THSD4: variants seen among roughly 807,000 people sequenced by gnomAD.
THSD4 encodes thrombospondin type 1 domain containing 4.
In THSD4, 69 loss-of-function variants were observed where a neutral mutation model predicts 119.0. The ratio of observed to expected loss-of-function variants is 0.58; its 90% CI spans 0.48 to 0.71. The LOEUF is 0.71. THSD4 is among the 30% of genes least tolerant of loss of function. THSD4 has a pLI of 0.00. For synonymous variants in THSD4, 524 were observed against 540.4 expected, an observed-to-expected ratio of 0.97 and a Z score of 0.42; for missense variants, 1,393 against 1,391.1, an observed-to-expected ratio of 1.00 and a Z score of -0.02.
At chr15:71,644,829 C>A (rs1009158286) in intron 7 of THSD4, among the ~76,000 whole-genome samples, 1 of 152,122 alleles carries the variant, frequency 6.6e-6, no homozygotes, top group African/African-American at 2.4e-5. Context: ...GTAGACACTT[C>A]CAACAACTTC....
intron 7 of THSD4, among the ~76,000 whole-genome samples, chr15:71,441,140 A>T (rs554784220): frequency 1.4e-4 from 21 of 152,320 alleles, no homozygotes; most frequent in African/African-American, 4.8e-4. Flanking sequence ...ATGTATAATG[A>T]TCTGGGTTCA....
chr15:71,155,944 T>C (rs28719816), intron 3 of THSD4, among the ~76,000 whole-genome samples: 9,918 of 152,182 alleles, frequency 0.065, 551 homozygotes, highest in African/African-American at 0.16. Flanking sequence ...TCCCGGGCCA[T>C]AGGACTGGGT....
intron 8 of THSD4, among the ~76,000 whole-genome samples, chr15:71,716,313 G>T (rs1286308017): frequency 6.6e-6 from 1 of 152,152 alleles, no homozygotes; most frequent in Non-Finnish European, 1.5e-5. Flanking sequence ...CATCTTCAAA[G>T]ATCCTATTTC....
intron 7 of THSD4, among the ~76,000 whole-genome samples, chr15:71,550,614 G>C (rs1000188157): frequency 1.3e-5 from 2 of 152,068 alleles, no homozygotes; most frequent in Admixed American, 6.6e-5. Flanking sequence ...TTTTGTTTTT[G>C]TATTTTCAGT....
At chr15:71,365,012 A>G (rs916302704) in intron 6 of THSD4, among the ~76,000 whole-genome samples, 15 of 152,200 alleles carry the variant, frequency 9.9e-5, no homozygotes, top group African/African-American at 3.6e-4. Flanking sequence ...TTGTTTTGGC[A>G]CCTAAAACTG....
chr15:71,353,159 A>G (rs1025157120), intron 6 of THSD4, among the ~76,000 whole-genome samples: 41 of 152,186 alleles, frequency 2.7e-4, no homozygotes, highest in Non-Finnish European at 5.7e-4. Context: ...ATCAACAGAC[A>G]TTGACACATG....
intron 7 of THSD4, among the ~76,000 whole-genome samples, chr15:71,611,888 T>C (rs1242624122): frequency 2.0e-5 from 3 of 151,462 alleles, no homozygotes; most frequent in Admixed American, 2.0e-4. Flanking sequence ...GATGTAATGG[T>C]GGGGAGGGGA....
At chr15:71,203,644 C>T (rs1221942855) in intron 3 of THSD4, among the ~76,000 whole-genome samples, 2 of 152,082 alleles carry the variant, frequency 1.3e-5, no homozygotes, top group Non-Finnish European at 2.9e-5. Context: ...CCAGCCTGGG[C>T]GACAGAGCAA....
At chr15:71,610,275 C>T (rs968550878) in intron 7 of THSD4, among the ~76,000 whole-genome samples, 1 of 152,148 alleles carries the variant, frequency 6.6e-6, no homozygotes, top group African/African-American at 2.4e-5. Flanking sequence ...ACTACAGGCC[C>T]CTCCTTTAGA....
intron 8 of THSD4, among the ~76,000 whole-genome samples, chr15:71,724,297 T>TTTC (rs1491121953): frequency 1.1e-3 from 44 of 41,570 alleles, no homozygotes; most frequent in African/African-American, 1.8e-3. Flanking sequence ...ATTTTTTTTT[T>TTTC]CCCCCCAAGA....
chr15:71,688,974 C>T lies in THSD4; in HGVS notation c.1357+28240C>T, dbSNP rs191343752. Among the ~76,000 whole-genome samples the T allele has an allele frequency of 8.5e-5, 13 of 152,258 alleles. No individual in the cohort carries two copies. In the East Asian group the frequency reaches 1.5e-3, roughly 18 times the overall value. On this transcript the variant is annotated intron_variant, in intron 8 of 17. Transcript: ENST00000261862. Reference sequence around the variant, plus strand: ...CCATTTCCCTGCCTCCTCTCCATCCCGGCCCATGAGATAAAGCTCAGGAAC... The same window carrying T: ...CCATTTCCCTGCCTCCTCTCCATCCTGGCCCATGAGATAAAGCTCAGGAAC...
chr15:71,568,573 T>TTG (rs981068048), intron 7 of THSD4, among the ~76,000 whole-genome samples: 2 of 143,964 alleles, frequency 1.4e-5, no homozygotes, highest in African/African-American at 2.5e-5. Flanking sequence ...TTTCTCTTTT[T>TTG]TTTTTTTTGT....
At chr15:71,150,157 G>A (rs747576013) in intron 2 of THSD4, among the ~76,000 whole-genome samples, 7 of 152,156 alleles carry the variant, frequency 4.6e-5, no homozygotes, top group Admixed American at 6.5e-5. Flanking sequence ...TGCAAGCTGG[G>A]AGCGGTTTGC....
chr15:71,530,573 C>G lies in THSD4; in HGVS notation c.1152+118750C>G, dbSNP rs969084621. Among the ~76,000 whole-genome samples, 11 of 151,952 alleles carry G rather than the reference C, an allele frequency of 7.2e-5. 1 individual carries two copies. The South Asian group carries it at 2.3e-3, about 32-fold the overall frequency. ...AGCCCCAATCATTCATTATCCAGCA[C>G]AAAGATGGTAATATACACATCTATT... On this transcript the variant is annotated intron_variant, in intron 7 of 17. Coordinates refer to ENST00000261862, the MANE Select transcript of THSD4 (RefSeq NM_024817.3).
chr15:71,313,619 T>C (rs1413396545), intron 6 of THSD4, among the ~76,000 whole-genome samples: 1 of 152,128 alleles, frequency 6.6e-6, no homozygotes, highest in Non-Finnish European at 1.5e-5. Context: ...TTTCAATATA[T>C]AGACAATTTC....
intron 6 of THSD4, among the ~76,000 whole-genome samples, chr15:71,382,781 AAC>A (rs2046244749): frequency 1.3e-5 from 2 of 152,212 alleles, no homozygotes; most frequent in Admixed American, 6.5e-5. Context: ...ATTTTCTCAT[AAC>A]ACAATTTTTT....
chr15:71,137,172 G>C (rs1474812803), intron 1 of THSD4, among the ~76,000 whole-genome samples: 1 of 152,110 alleles, frequency 6.6e-6, no homozygotes, highest in East Asian at 1.9e-4. Flanking sequence ...TAAATCAACA[G>C]GAGCAAACCT....
intron 7 of THSD4, among the ~76,000 whole-genome samples, chr15:71,615,086 A>G (rs1261317561): frequency 6.6e-6 from 1 of 152,232 alleles, no homozygotes; most frequent in African/African-American, 2.4e-5. Flanking sequence ...CTCAGATTAC[A>G]CTACTTTCTA....
chr15:71,286,336 TG>T (rs2044717875), intron 6 of THSD4, among the ~76,000 whole-genome samples: 1 of 152,146 alleles, frequency 6.6e-6, no homozygotes. Flanking sequence ...CATAGGCCCC[TG>T]TGTATGGTGT....
Sources: allele counts gnomAD v4.1 joint callset (sites outside exome capture counted in the v4.1 genomes callset), GRCh38; gene constraint gnomAD v4.1.1; transcripts MANE v1.5; gene names NCBI Gene and HGNC (gene_info 2026-07-23, HGNC 2026-07-21).